SCN7A: variants seen among roughly 807,000 people sequenced by gnomAD.
The protein encoded by SCN7A is sodium channel protein type 7 subunit alpha.
Under a neutral mutation model 155.2 loss-of-function variants are expected in SCN7A, and 138 were observed. The ratio of observed to expected loss-of-function variants is 0.89; its 90% confidence interval spans 0.77 to 1.02. SCN7A has a LOEUF of 1.02. Ranked by LOEUF, SCN7A falls within the 50% of genes least tolerant of loss-of-function variation. The pLI, the probability that SCN7A is intolerant of heterozygous loss-of-function variation, is 0.00. For synonymous variants in SCN7A, 693 were observed against 649.0 expected (o/e 1.07, Z -1.03); for missense variants, 2,058 against 1,986.6 (o/e 1.04, Z -0.68).
At chr2:166,423,536 G>T in intron 18 of SCN7A, 104 bp from the exon 19 acceptor site, 3 of 1,261,288 alleles carry the variant, frequency 2.4e-6, no homozygotes, top group Non-Finnish European at 1.0e-6. Flanking sequence ...GGCATATGGT[G>T]AGCACTGTCA....
At chr2:166,433,901 C>T (rs542233118) in intron 15 of SCN7A, among the ~76,000 whole-genome samples, 69 of 152,210 alleles carry the variant, frequency 4.5e-4, no homozygotes, top group South Asian at 4.4e-3. Flanking sequence ...TTATTTTTAA[C>T]TCAAAGATAG....
chr2:166,406,918 C>G (rs1015209199), intron 25 of SCN7A, among the ~76,000 whole-genome samples: 2 of 151,886 alleles, frequency 1.3e-5, no homozygotes, highest in African/African-American at 4.8e-5. Flanking sequence ...TCAAGTAGTT[C>G]TGGAATTACA....
At chr2:166,447,533 G>T in intron 12 of SCN7A, 79 bp downstream of exon 12, 1 of 885,886 alleles carries the variant, frequency 1.1e-6, no homozygotes. Flanking sequence ...AGATTCTGAA[G>T]AAATTGCTGA....
intron 3 of SCN7A, among the ~76,000 whole-genome samples, chr2:166,475,969 A>G (rs1396676694): frequency 1.3e-5 from 2 of 151,942 alleles, no homozygotes; most frequent in Admixed American, 1.3e-4. Flanking sequence ...TTTGCCAGCC[A>G]TGTCTGTACA....
chr2:166,472,168 T>G, intron 6 of SCN7A, 149 bp downstream of exon 6: 1 of 676,878 alleles, frequency 1.5e-6, no homozygotes. Context: ...CAGAGGCAGC[T>G]GAGAGAGCTC....
Position 166,416,729 on chromosome 2 carries a change from C to T in SCN7A, c.3392G>A (p.Gly1131Asp), listed in dbSNP as rs1388695628. Reference sequence around the variant, plus strand: ...TACTACTTGAAGCAGAGAAAGGAAACCATTTCCAACATTATCAAAGTTCAT... The same window carrying T: ...TACTACTTGAAGCAGAGAAAGGAAATCATTTCCAACATTATCAAAGTTCAT... ...AKMNFDNVGNGFLSLLQVATF... is the reference protein window; with the variant it reads ...AKMNFDNVGNDFLSLLQVATF... The change falls in exon 21 of 26, where the codon GGT becomes GAT. Residue 1131 changes from glycine to aspartate, a missense_variant. Transcript: ENST00000643258. The T allele has an allele frequency of 1.2e-6, 2 of 1,608,528 alleles. No individual in the cohort carries two copies. Among genetic ancestry groups the T allele is most frequent in the Non-Finnish European group, 1.7e-6 (2 of 1,176,974 alleles).
Position 166,404,263 on chromosome 2 carries a change from T to C in SCN7A, c.*1317A>G, listed in dbSNP as rs1287803690. On this transcript the variant is annotated 3_prime_UTR_variant, in exon 26 of 26. Transcript: ENST00000643258. ...AACTACATAGAAGTAAATGACTATA[T>C]TTGTATGAATAAGTCTAAGGACAAC... 3 of 151,990 alleles carry C rather than the reference T, an allele frequency of 2.0e-5. No homozygotes were observed. Among genetic ancestry groups the C allele is most frequent in the African/African-American group, 7.2e-5 (3 of 41,434 alleles). 9.4% of individuals were successfully genotyped at this position (151,990 alleles called of 1,614,324 possible).
At chr2:166,408,522 G>C (rs1253915134) in intron 25 of SCN7A, among the ~76,000 whole-genome samples, 1 of 151,934 alleles carries the variant, frequency 6.6e-6, no homozygotes, top group Non-Finnish European at 1.5e-5. Flanking sequence ...CCAGTTCTCT[G>C]ATGAAGTCCC....
chr2:166,429,494 A>C (rs929887094), intron 16 of SCN7A, among the ~76,000 whole-genome samples: 1 of 152,094 alleles, frequency 6.6e-6, no homozygotes, highest in Non-Finnish European at 1.5e-5. Context: ...ACTTTAAGCT[A>C]AAATAACATT....
chr2:166,460,050 C>G (rs560427282), intron 10 of SCN7A, among the ~76,000 whole-genome samples: 1 of 152,256 alleles, frequency 6.6e-6, no homozygotes, highest in African/African-American at 2.4e-5. Context: ...TGGGGTGCAA[C>G]AAACCACCAT....
intron 11 of SCN7A, among the ~76,000 whole-genome samples, chr2:166,456,463 G>A (rs988531965): frequency 6.6e-6 from 1 of 151,798 alleles, no homozygotes; most frequent in South Asian, 2.1e-4. Flanking sequence ...AAAAATAAAA[G>A]AACACCACCA....
chr2:166,414,152 T>TATTATATATATGTAAATATATATA (rs1559088311), intron 21 of SCN7A, among the ~76,000 whole-genome samples: 3 of 55,090 alleles, frequency 5.4e-5, no homozygotes, highest in African/African-American at 3.7e-4. Context: ...TATATATAAA[T>TATTATATATATGTAAATATATATA]ATATATAATA....
chr2:166,426,425 A>G (rs1190389119), intron 18 of SCN7A, among the ~76,000 whole-genome samples: 7 of 151,998 alleles, frequency 4.6e-5, no homozygotes, highest in African/African-American at 1.7e-4. Flanking sequence ...TGCTCCCAGA[A>G]TAGGGCATTA....
chr2:166,419,361 C>CTTT (rs577713747), intron 20 of SCN7A, among the ~76,000 whole-genome samples: 4 of 134,766 alleles, frequency 3.0e-5, no homozygotes, highest in Non-Finnish European at 4.8e-5. Flanking sequence ...ATGTGGCTGT[C>CTTT]TTTTTTTTTT....
At chr2:166,460,587 C>T (rs886236621) in intron 10 of SCN7A, among the ~76,000 whole-genome samples, 2 of 152,008 alleles carry the variant, frequency 1.3e-5, no homozygotes, top group Non-Finnish European at 2.9e-5. Flanking sequence ...TACTCCTACA[C>T]TGGGCTTGGG....
chr2:166,426,668 A>G (rs1490051706), intron 18 of SCN7A, among the ~76,000 whole-genome samples: 1 of 152,104 alleles, frequency 6.6e-6, no homozygotes, highest in South Asian at 2.1e-4. Context: ...GGATAAAACT[A>G]ATCTATGGCA....
In SCN7A at chr2:166,472,312, C is replaced by T. The variant is rs774159441; in HGVS notation, c.572+5G>A. The T allele has an allele frequency of 6.3e-7, 1 of 1,582,704 alleles. No homozygotes were observed. Among genetic ancestry groups the T allele is most frequent in the Non-Finnish European group, 8.6e-7 (1 of 1,168,728 alleles). ...AAAATAGACTCAATTTAAAGAAATACTCACTCAAACACAGTTACGCTGAAA... is the reference window on the plus strand; with the variant it reads ...AAAATAGACTCAATTTAAAGAAATATTCACTCAAACACAGTTACGCTGAAA... On this transcript the variant is annotated splice_donor_5th_base_variant and intron_variant, in intron 6 of 25. Transcript: ENST00000643258.
intron 7 of SCN7A, among the ~76,000 whole-genome samples, chr2:166,467,433 T>C (rs770002208): frequency 6.6e-6 from 1 of 150,928 alleles, no homozygotes; most frequent in Non-Finnish European, 1.5e-5. Flanking sequence ...AGAGCAATTC[T>C]TAAAGAAAAA....
chr2:166,467,498 T>TAC (rs756005379), intron 7 of SCN7A, among the ~76,000 whole-genome samples: 254 of 146,066 alleles, frequency 1.7e-3, no homozygotes, highest in Non-Finnish European at 3.0e-3. Flanking sequence ...TATATATATA[T>TAC]ATACACACAC....
Sources: gnomAD v4.1 joint callset for allele counts (sites outside exome capture counted in the v4.1 genomes callset) on GRCh38, gnomAD v4.1.1 for gene constraint, MANE v1.5 for transcripts, NCBI Gene and HGNC (gene_info 2026-07-23, HGNC 2026-07-21) for gene names.